The following ZNF638 variants were observed in gnomAD, a reference collection of about 807,000 sequenced individuals.
ZNF638 encodes the protein CTCL tumor antigen se33-1.
Under a neutral mutation model 195.6 loss-of-function variants are expected in ZNF638, and 46 were observed. That is an observed-to-expected ratio of 0.24 (90% CI 0.19 to 0.30). The LOEUF (loss-of-function observed/expected upper bound fraction) is 0.30, where lower values mean the gene tolerates loss of function less well. Ranked by LOEUF, ZNF638 falls within the 10% of genes least tolerant of loss-of-function variation. The probability of loss-of-function intolerance (pLI) is 1.00; values close to 1 mark genes in which losing one functional copy is unlikely to be tolerated. For missense variants in ZNF638, 2,440 were observed against 2,325.3 expected (o/e 1.05, Z -1.01); for synonymous variants, 845 against 772.0 (o/e 1.09, Z -1.57).
At chr2:71,408,375 G>C in intron 20 of ZNF638, 128 bp downstream of exon 20, 1 of 1,177,144 alleles carries the variant, frequency 8.5e-7, no homozygotes, top group Non-Finnish European at 1.2e-6. Context: ...TGCAATCAGT[G>C]TTCCAATTTT....
At chr2:71,370,737 A>C (rs1337189003) in intron 8 of ZNF638, among the ~76,000 whole-genome samples, 1 of 152,172 alleles carries the variant, frequency 6.6e-6, no homozygotes, top group African/African-American at 2.4e-5. Flanking sequence ...TATGAGGTAC[A>C]TGAGATGTTT....
At chr2:71,389,432 G>C (rs1209827443) in intron 10 of ZNF638, among the ~76,000 whole-genome samples, 1 of 152,210 alleles carries the variant, frequency 6.6e-6, no homozygotes, top group Non-Finnish European at 1.5e-5. Context: ...GACAACTTCT[G>C]TTTGGCCCCA....
intron 25 of ZNF638, among the ~76,000 whole-genome samples, chr2:71,429,894 A>G (rs944116779): frequency 1.1e-4 from 17 of 152,254 alleles, no homozygotes; most frequent in African/African-American, 1.9e-4. Context: ...TTCCTTGTCT[A>G]TTCTTTTCCA....
chr2:71,343,929 G>A (rs2104134000), intron 1 of ZNF638, among the ~76,000 whole-genome samples: 1 of 119,966 alleles, frequency 8.3e-6, no homozygotes, highest in Non-Finnish European at 2.0e-5. Context: ...AGGAGATCGA[G>A]ACCATCCTGG....
intron 1 of ZNF638, among the ~76,000 whole-genome samples, chr2:71,340,888 T>C (rs1045427133): frequency 2.0e-5 from 3 of 152,234 alleles, no homozygotes; most frequent in African/African-American, 7.2e-5. Context: ...TCAGACGAGA[T>C]AATATTTAAA....
chr2:71,383,756 C>CTTTTT (rs1558858270), intron 10 of ZNF638, among the ~76,000 whole-genome samples: 5 of 87,996 alleles, frequency 5.7e-5, no homozygotes, highest in African/African-American at 1.5e-4. Context: ...TTTTTTTTTT[C>CTTTTT]TTTTTCTTTT....
chr2:71,355,511 A>G (rs936082318), intron 2 of ZNF638, among the ~76,000 whole-genome samples: 1 of 152,212 alleles, frequency 6.6e-6, no homozygotes, highest in Non-Finnish European at 1.5e-5. Context: ...AATATTTTCA[A>G]ATGGGATCAG....
At chr2:71,430,527 C>T (rs983510920) in intron 25 of ZNF638, among the ~76,000 whole-genome samples, 2 of 152,166 alleles carry the variant, frequency 1.3e-5, no homozygotes, top group African/African-American at 4.8e-5. Flanking sequence ...GTCACAAAGT[C>T]TTGGTTCTAG....
intron 10 of ZNF638, chr2:71,388,649 G>A: frequency 1.1e-6 from 1 of 878,572 alleles, no homozygotes; most frequent in Non-Finnish European, 2.0e-6. Flanking sequence ...TCAGCAGCTG[G>A]TGCCCCTCGT....
In ZNF638 at chr2:71,403,906, A is replaced by G. The variant is rs546690001; in HGVS notation, c.2866A>G (p.Met956Val). The G allele has an allele frequency of 3.1e-6, 5 of 1,600,802 alleles. No homozygotes were observed. The highest frequency in any genetic ancestry group is 4.3e-6 in the Non-Finnish European group (5 of 1,168,718). The change falls in exon 17 of 28, where the codon ATG (methionine) becomes GTG (valine). Residue 956 changes from methionine to valine, a missense_variant. Physicochemically the swap from Met to Val is conservative, Grantham distance 21. Transcript: ENST00000264447. ...IEINRKAAES[M>V]VKFYTCFPVL... ...AATAAATAGAAAAGCTGCTGAGTCT[A>G]TGGTAAAATTTTATACCTGCTTCCC...
rs1010256656 is a variant in ZNF638 at position 71,423,673 on chromosome 2, G to A, written c.4159G>A (p.Val1387Ile). 2 of 1,613,874 alleles carry A rather than the reference G, an allele frequency of 1.2e-6. No individual in the cohort carries two copies. Among genetic ancestry groups the A allele is most frequent in the South Asian group, 1.1e-5 (1 of 91,084 alleles). Residue 1387 changes from valine (V) to isoleucine (I), a missense_variant, in exon 22 of 28, where the codon GTA (valine) becomes ATA (isoleucine). Coordinates refer to ENST00000264447, the MANE Select transcript of ZNF638 (RefSeq NM_014497.5). ...SKTSILAVSD[V>I]SSSKPSIKAV... Reference sequence around the variant, plus strand: ...AACTAGTATTCTGGCTGTATCAGATGTATCTAGCAGTAAACCAAGCATCAA... The same window carrying A: ...AACTAGTATTCTGGCTGTATCAGATATATCTAGCAGTAAACCAAGCATCAA...
chr2:71,333,991 T>C (rs1573006655), intron 1 of ZNF638, among the ~76,000 whole-genome samples: 1 of 152,240 alleles, frequency 6.6e-6, no homozygotes, highest in Non-Finnish European at 1.5e-5. Context: ...TTTAGAGTAA[T>C]AGAATTTTGG....
In ZNF638 at chr2:71,331,894, G is replaced by T. The variant is rs927752184; in HGVS notation, c.-203+19G>T. The T allele has an allele frequency of 3.0e-6, 3 of 986,268 alleles. No individual in the cohort carries two copies. The highest frequency in any genetic ancestry group is 5.1e-4 in the Middle Eastern group (1 of 1,942). The allele number at this position is 986,268 out of a possible 1,614,324, so 61.1% of individuals were successfully genotyped here. On this transcript the variant is annotated intron_variant, in intron 1 of 27. Coordinates refer to ENST00000264447, the MANE Select transcript of ZNF638 (RefSeq NM_014497.5). ...GGCATAGGTAGGACCGCTGCCCTGT[G>T]GGGAGTAGGGGGTTGGAAGGCGGAG...
intron 20 of ZNF638, among the ~76,000 whole-genome samples, chr2:71,412,960 G>A (rs1439597119): frequency 8.4e-6 from 1 of 119,252 alleles, no homozygotes; most frequent in East Asian, 2.4e-4. Flanking sequence ...GGCGATGCGG[G>A]CTCTTTTTTG....
chr2:71,361,321 T>A (rs1235194544), intron 3 of ZNF638, among the ~76,000 whole-genome samples: 1 of 152,226 alleles, frequency 6.6e-6, no homozygotes, highest in Non-Finnish European at 1.5e-5. Context: ...CCCCTGGAAA[T>A]TTAATAACTT....
At chr2:71,358,900 A>C (rs2079065259) in intron 3 of ZNF638, among the ~76,000 whole-genome samples, 1 of 152,230 alleles carries the variant, frequency 6.6e-6, no homozygotes, top group African/African-American at 2.4e-5. Flanking sequence ...ATCTGTGATC[A>C]GTGATCTTTG....
In ZNF638 at chr2:71,406,212, C is replaced by T. The variant is rs1015985139; in HGVS notation, c.3085C>T (p.Leu1029Phe). The T allele has an allele frequency of 1.9e-6, 3 of 1,613,294 alleles. No homozygotes were observed. The highest frequency in any genetic ancestry group is 2.7e-5 in the African/African-American group (2 of 74,894). Residue 1029 changes from leucine (L) to phenylalanine (F), a missense_variant, in exon 19 of 28, where the codon CTT becomes TTT. Physicochemically the swap from Leu to Phe is conservative, Grantham distance 22. Coordinates refer to ENST00000264447, the MANE Select transcript of ZNF638 (RefSeq NM_014497.5). Reference protein sequence around the residue: ...DGLQCVLCVGLQFGKVDHHVF... With the variant: ...DGLQCVLCVGFQFGKVDHHVF... The stretch of plus-strand genomic sequence containing the variant: ...ACTTCAGTGTGTACTTTGTGTTGGA[C>T]TTCAGTTTGGAAAAGTGGATCACCA...
chr2:71,432,933 C>T (rs1215635460), intron 26 of ZNF638, among the ~76,000 whole-genome samples: 1 of 152,116 alleles, frequency 6.6e-6, no homozygotes, highest in Non-Finnish European at 1.5e-5. Context: ...ACTAAAAGTA[C>T]AAAAGTAGCC....
chr2:71,364,395 TTCC>T (rs1558844064), intron 5 of ZNF638, 143 bp downstream of exon 5: 7 of 864,422 alleles, frequency 8.1e-6, no homozygotes, highest in African/African-American at 1.7e-5. Flanking sequence ...CACAGAGTTA[TTCC>T]CTCTGGTAAC....
Sources: allele counts gnomAD v4.1 joint callset (sites outside exome capture counted in the v4.1 genomes callset), GRCh38; gene constraint gnomAD v4.1.1; transcripts MANE v1.5; gene names NCBI Gene and HGNC (gene_info 2026-07-23, HGNC 2026-07-21).